The following PALM2AKAP2 variants were observed in gnomAD, a reference collection of about 807,000 sequenced individuals.
PALM2AKAP2 encodes the protein PALM2 and AKAP2 fusion.
PALM2AKAP2 carries 37 observed loss-of-function variants against 71.5 expected under a neutral mutation model. That is an observed-to-expected ratio of 0.52 (90% CI 0.40 to 0.68). The LOEUF (loss-of-function observed/expected upper bound fraction) is 0.68. PALM2AKAP2 is among the 30% of genes least tolerant of loss of function. The probability of loss-of-function intolerance (pLI) is 0.00; values close to 1 mark genes in which losing one functional copy is unlikely to be tolerated. For missense variants in PALM2AKAP2, 1,224 were observed against 1,191.8 expected (o/e 1.03, Z -0.40); for synonymous variants, 468 against 478.8 (o/e 0.98, Z 0.29).
At chr9:110,051,200 G>A (rs142576305) in intron 1 of PALM2AKAP2, among the ~76,000 whole-genome samples, 191 of 152,326 alleles carry the variant, frequency 1.3e-3, no homozygotes, top group Non-Finnish European at 2.0e-3. Context: ...TGGCATGACA[G>A]TTGGCACCAC....
At chr9:109,693,416 T>C (rs1183556686) in intron 1 of PALM2AKAP2, among the ~76,000 whole-genome samples, 1 of 151,916 alleles carries the variant, frequency 6.6e-6, no homozygotes, top group African/African-American at 2.4e-5. Flanking sequence ...CTGTAATTGA[T>C]TTGCTTTATT....
intron 1 of PALM2AKAP2, among the ~76,000 whole-genome samples, chr9:109,737,738 A>C (rs1221265370): frequency 6.6e-6 from 1 of 152,254 alleles, no homozygotes. Flanking sequence ...TACATTGTTT[A>C]GCAAATATGT....
At chr9:109,754,269 A>T (rs1828925966) in intron 1 of PALM2AKAP2, among the ~76,000 whole-genome samples, 1 of 152,212 alleles carries the variant, frequency 6.6e-6, no homozygotes, top group African/African-American at 2.4e-5. Flanking sequence ...GAGCAGGACT[A>T]CAAAGTAGAA....
intron 1 of PALM2AKAP2, among the ~76,000 whole-genome samples, chr9:109,807,913 G>A (rs1183819750): frequency 6.6e-6 from 1 of 152,094 alleles, no homozygotes; most frequent in Non-Finnish European, 1.5e-5. Flanking sequence ...TTTATAAGGG[G>A]CTTTTTCCTG....
intron 1 of PALM2AKAP2, among the ~76,000 whole-genome samples, chr9:109,719,360 C>T (rs1828372997): frequency 1.3e-5 from 2 of 152,136 alleles, no homozygotes; most frequent in Admixed American, 6.5e-5. Context: ...AATTCTGCTA[C>T]AAATGCTTTG....
At chr9:109,880,669 A>G (rs902696367) in exon 3 of PALM2AKAP2, 1 of 1,613,958 alleles carries the variant, frequency 6.2e-7, no homozygotes, top group Non-Finnish European at 8.5e-7. Flanking sequence ...CAACTTGAAG[A>G]TAACATTCAG....
At chr9:109,940,044 T>C (rs977357644) in intron 6 of PALM2AKAP2, among the ~76,000 whole-genome samples, 7 of 152,238 alleles carry the variant, frequency 4.6e-5, no homozygotes, top group Non-Finnish European at 7.3e-5. Flanking sequence ...ACCATTTCAT[T>C]GGTGTCATAT....
chr9:109,993,184 T>A (rs1588048407), intron 6 of PALM2AKAP2, among the ~76,000 whole-genome samples: 1 of 138,810 alleles, frequency 7.2e-6, no homozygotes, highest in African/African-American at 2.7e-5. Flanking sequence ...CAAAGTGCCT[T>A]AAAAAAAAAA....
At chr9:109,991,781 G>A (rs1832488088) in intron 6 of PALM2AKAP2, among the ~76,000 whole-genome samples, 1 of 152,180 alleles carries the variant, frequency 6.6e-6, no homozygotes, top group East Asian at 1.9e-4. Flanking sequence ...CCAGGATGGT[G>A]AATGACCTAG....
chr9:110,096,024 A>T (rs1834827918), intron 1 of PALM2AKAP2, among the ~76,000 whole-genome samples: 1 of 152,234 alleles, frequency 6.6e-6, no homozygotes, highest in Non-Finnish European at 1.5e-5. Flanking sequence ...GTCTGAGTGA[A>T]GTGAGCTGGG....
intron 5 of PALM2AKAP2, among the ~76,000 whole-genome samples, chr9:109,930,786 G>T (rs1346667565): frequency 6.6e-6 from 1 of 152,204 alleles, no homozygotes; most frequent in African/African-American, 2.4e-5. Flanking sequence ...TTGAACAGAG[G>T]CAGAGGCTAT....
chr9:109,995,652 C>A (rs1832559311), intron 6 of PALM2AKAP2, among the ~76,000 whole-genome samples: 1 of 152,166 alleles, frequency 6.6e-6, no homozygotes, highest in African/African-American at 2.4e-5. Flanking sequence ...AAGACTTATT[C>A]ACTGTCATGC....
intron 6 of PALM2AKAP2, among the ~76,000 whole-genome samples, chr9:109,936,690 G>A (rs368798463): frequency 1.6e-4 from 25 of 152,168 alleles, no homozygotes; most frequent in African/African-American, 5.6e-4. Context: ...CGTGAACCAC[G>A]CAGGGTGTTC....
intron 2 of PALM2AKAP2, among the ~76,000 whole-genome samples, chr9:109,872,627 C>A (rs1169497893): frequency 6.6e-6 from 1 of 152,204 alleles, no homozygotes; most frequent in Non-Finnish European, 1.5e-5. Flanking sequence ...AAGACCACAG[C>A]CTTTTCTTCC....
intron 1 of PALM2AKAP2, among the ~76,000 whole-genome samples, chr9:110,057,343 T>G (rs1397897601): frequency 1.3e-5 from 2 of 151,624 alleles, no homozygotes; most frequent in East Asian, 3.9e-4. Context: ...GTCAGGTCAG[T>G]TTTCCTACCC....
At chr9:110,030,539 A>G (rs1290207042) in intron 7 of PALM2AKAP2, among the ~76,000 whole-genome samples, 1 of 152,172 alleles carries the variant, frequency 6.6e-6, no homozygotes, top group Non-Finnish European at 1.5e-5. Context: ...TCAGGTTCAG[A>G]ATATCAAAGC....
intron 1 of PALM2AKAP2, among the ~76,000 whole-genome samples, chr9:109,764,388 G>A (rs1218778544): frequency 6.6e-6 from 1 of 151,648 alleles, no homozygotes; most frequent in Non-Finnish European, 1.5e-5. Context: ...TACACCTCCT[G>A]GCCTTTGCAC....
upstream of PALM2AKAP2, among the ~76,000 whole-genome samples, chr9:110,045,649 T>C (rs1036479417): frequency 9.2e-5 from 14 of 152,034 alleles, no homozygotes; most frequent in African/African-American, 2.7e-4. Context: ...CTCACTGCAA[T>C]CTCTGCCGCC....
chr9:110,161,052 C>T (rs1351444569), intron 3 of PALM2AKAP2, among the ~76,000 whole-genome samples: 2 of 152,170 alleles, frequency 1.3e-5, no homozygotes, highest in Admixed American at 6.5e-5. Flanking sequence ...CCTCCTGTTT[C>T]CCCAGACGCT....
Sources: allele counts gnomAD v4.1 joint callset (sites outside exome capture counted in the v4.1 genomes callset), GRCh38; gene constraint gnomAD v4.1.1; transcripts MANE v1.5; gene names NCBI Gene and HGNC (gene_info 2026-07-23, HGNC 2026-07-21).